The following NEK1 variants were observed in gnomAD, a reference collection of about 807,000 sequenced individuals.
NEK1 encodes NIMA related kinase 1.
In NEK1, 137 loss-of-function variants were observed where a neutral mutation model predicts 182.1. The ratio of observed to expected loss-of-function variants is 0.75; its 90% confidence interval spans 0.65 to 0.87. The LOEUF is 0.87. Ranked by LOEUF, NEK1 falls within the 40% of genes least tolerant of loss-of-function variation. The pLI is 0.00. For synonymous variants in NEK1, 513 were observed against 492.2 expected, an observed-to-expected ratio of 1.04 and a Z score of -0.56; for missense variants, 1,391 against 1,494.4, an observed-to-expected ratio of 0.93 and a Z score of 1.14.
At chr4:169,579,106 A>G (rs1766182557) in intron 11 of NEK1, among the ~76,000 whole-genome samples, 1 of 152,236 alleles carries the variant, frequency 6.6e-6, no homozygotes, top group Non-Finnish European at 1.5e-5. Context: ...TACTTTCCAG[A>G]GAAAAGAAAG....
rs537389341 is a variant in NEK1, at chr4:169,485,104, G to A, written c.2008-5570C>T. Among the ~76,000 whole-genome samples the A allele has an allele frequency of 3.3e-4, 51 of 152,294 alleles. 1 individual carries two copies. The highest frequency in any genetic ancestry group is 1.2e-3 in the African/African-American group (49 of 41,568). On this transcript the variant is annotated intron_variant, in intron 23 of 35. Transcript: ENST00000507142. Reference sequence around the variant, plus strand: ...AGAAATTAAAATTTGAGCATTGTGAGAGACAAATTTATTGGCACTTTTATA... The same window carrying A: ...AGAAATTAAAATTTGAGCATTGTGAAAGACAAATTTATTGGCACTTTTATA...
chr4:169,566,707 G>T (rs1763739823), intron 12 of NEK1, among the ~76,000 whole-genome samples: 3 of 152,026 alleles, frequency 2.0e-5, no homozygotes, highest in Non-Finnish European at 4.4e-5. Context: ...CCTTTTTCAG[G>T]CTTGAAGTTA....
intron 18 of NEK1, among the ~76,000 whole-genome samples, chr4:169,544,747 C>T (rs1476441421): frequency 6.6e-6 from 1 of 150,972 alleles, no homozygotes. Context: ...TCCATTTCTT[C>T]AGATTTTCTA....
chr4:169,535,924 A>C (rs1285428373), intron 19 of NEK1, among the ~76,000 whole-genome samples: 1 of 151,822 alleles, frequency 6.6e-6, no homozygotes, highest in Non-Finnish European at 1.5e-5. Context: ...ATGGATGAAA[A>C]ATTTCCAGAT....
At chr4:169,528,737 A>T (rs1757255456) in intron 19 of NEK1, among the ~76,000 whole-genome samples, 1 of 152,246 alleles carries the variant, frequency 6.6e-6, no homozygotes, top group Non-Finnish European at 1.5e-5. Flanking sequence ...ATAGGCTATC[A>T]GTATGGATCA....
chr4:169,468,300 A>C (rs987871952), intron 26 of NEK1, among the ~76,000 whole-genome samples: 10 of 152,118 alleles, frequency 6.6e-5, no homozygotes, highest in Non-Finnish European at 1.3e-4. Flanking sequence ...AAAAAAATTC[A>C]GAAAAAGTTG....
chr4:169,433,409 A>C lies in NEK1; in HGVS notation c.2885+136T>G, dbSNP rs145530597. The C allele has an allele frequency of 1.3e-3, 1,082 of 814,098 alleles. 2 individuals carry two copies. The highest frequency in any genetic ancestry group is 1.7e-3 in the Non-Finnish European group (914 of 530,884). The allele number at this position is 814,098 out of a possible 1,614,324, so 50.4% of individuals were successfully genotyped here. A position where few individuals can be genotyped will look rare whatever the true frequency, so the allele number is the denominator to read the frequency against. ...TTATTTCTGAACCATATGAATATCT[A>C]TTCAAATTAAGTTCCTTTTATAAGG... On this transcript the variant is annotated intron_variant, in intron 29 of 35. Coordinates refer to ENST00000507142, the MANE Select transcript of NEK1 (RefSeq NM_001199397.3).
chr4:169,580,752 T>C, intron 11 of NEK1, 90 bp downstream of exon 11: 1 of 777,002 alleles, frequency 1.3e-6, no homozygotes, highest in Non-Finnish European at 2.2e-6. Flanking sequence ...CCTAGAATTA[T>C]CCCAACTTAC....
chr4:169,492,828 G>T (rs1389895626), intron 23 of NEK1, among the ~76,000 whole-genome samples: 1 of 152,162 alleles, frequency 6.6e-6, no homozygotes, highest in East Asian at 1.9e-4. Context: ...CCCTCAAGGA[G>T]GAGACAGAGC....
chr4:169,511,343 G>A (rs1754147337), intron 19 of NEK1, among the ~76,000 whole-genome samples: 1 of 152,064 alleles, frequency 6.6e-6, no homozygotes, highest in South Asian at 2.1e-4. Context: ...GCAGCGCTGG[G>A]CAAAGATGTG....
intron 23 of NEK1, among the ~76,000 whole-genome samples, chr4:169,489,105 G>T (rs1749584068): frequency 6.6e-6 from 1 of 152,104 alleles, no homozygotes; most frequent in African/African-American, 2.4e-5. Context: ...ATAAACAGAT[G>T]TTTCCTGAAC....
chr4:169,500,446 A>C (rs1012460216), intron 23 of NEK1, among the ~76,000 whole-genome samples: 1 of 152,222 alleles, frequency 6.6e-6, no homozygotes, highest in Non-Finnish European at 1.5e-5. Flanking sequence ...AGACGAACCC[A>C]GTACCTCAGT....
At chr4:169,593,718 G>A (rs1161044437) in intron 5 of NEK1, among the ~76,000 whole-genome samples, 2 of 152,176 alleles carry the variant, frequency 1.3e-5, no homozygotes, top group African/African-American at 2.4e-5. Flanking sequence ...GTCAGGCGCC[G>A]TGGCTCACGC....
chr4:169,544,347 T>G (rs543365186), intron 18 of NEK1, among the ~76,000 whole-genome samples: 21 of 152,310 alleles, frequency 1.4e-4, no homozygotes, highest in African/African-American at 4.6e-4. Context: ...AGCTTTTTGA[T>G]GTGCTGCTGG....
intron 35 of NEK1, 90 bp downstream of exon 35, chr4:169,400,135 T>TGGATGTGATGTAAG: frequency 8.0e-7 from 1 of 1,246,632 alleles, no homozygotes; most frequent in Non-Finnish European, 1.1e-6. Flanking sequence ...TTTCACAAAA[T>TGGATGTGATGTAAG]GGATGTGATG....
chr4:169,422,602 T>C (rs998393942), intron 31 of NEK1, among the ~76,000 whole-genome samples: 4 of 152,212 alleles, frequency 2.6e-5, no homozygotes, highest in African/African-American at 9.6e-5. Flanking sequence ...TAAATATTTA[T>C]AGAACGGGCA....
At chr4:169,503,543 T>C (rs954298358) in intron 23 of NEK1, among the ~76,000 whole-genome samples, 1 of 152,174 alleles carries the variant, frequency 6.6e-6, no homozygotes, top group South Asian at 2.1e-4. Flanking sequence ...TGGAACAGAA[T>C]AGAGAACCCA....
chr4:169,504,651 C>T (rs906352218), intron 23 of NEK1, among the ~76,000 whole-genome samples: 3 of 152,136 alleles, frequency 2.0e-5, no homozygotes, highest in African/African-American at 4.8e-5. Context: ...AAGTTTTGCA[C>T]GTTTTCACTT....
In NEK1 at chr4:169,561,845, T is replaced by C; in HGVS notation, c.1127A>G (p.Lys376Arg). Reference sequence around the variant, plus strand: ...GCAAAAAACTACCTGATCCTTTTGTTTCTTTTCTTTTTCAATAAATTCCAG... The same window carrying C: ...GCAAAAAACTACCTGATCCTTTTGTCTCTTTTCTTTTTCAATAAATTCCAG... Reference protein sequence around the residue: ...RRLEFIEKEKKQKDQIISLMK... With the variant: ...RRLEFIEKEKRQKDQIISLMK... Residue 376 changes from lysine (K) to arginine (R), a missense_variant, in exon 14 of 36, where the codon AAA becomes AGA. Around this residue, in one of 5 missense-constraint regions of NEK1, gnomAD observed 1,216 missense variants for 1,277.6 expected, o/e 0.95. Transcript: ENST00000507142. The C allele has an allele frequency of 6.2e-7, 1 of 1,610,460 alleles. No individual in the cohort carries two copies. Among genetic ancestry groups the C allele is most frequent in the African/African-American group, 1.3e-5 (1 of 74,902 alleles).
Sources: gnomAD v4.1 joint callset for allele counts (sites outside exome capture counted in the v4.1 genomes callset) on GRCh38, gnomAD v4.1.1 for gene constraint, gnomAD v4.1.1 regional missense constraint, MANE v1.5 for transcripts, NCBI Gene and HGNC (gene_info 2026-07-23, HGNC 2026-07-21) for gene names.